EXOC4: variants seen among roughly 807,000 people sequenced by gnomAD.
The protein encoded by EXOC4 is SEC8-like 1.
In EXOC4, 71 loss-of-function variants were observed where a neutral mutation model predicts 107.2. The ratio of observed to expected loss-of-function variants is 0.66; its 90% CI spans 0.55 to 0.81. EXOC4 has a LOEUF of 0.81. EXOC4 is among the 30% of genes least tolerant of loss of function. The pLI, the probability that EXOC4 is intolerant of heterozygous loss-of-function variation, is 0.00. For missense variants in EXOC4, 1,108 were observed against 1,189.6 expected (o/e 0.93, Z 1.01); for synonymous variants, 456 against 441.2 (o/e 1.03, Z -0.42).
intron 14 of EXOC4, among the ~76,000 whole-genome samples, chr7:133,966,644 T>G (rs1424828835): frequency 1.3e-5 from 2 of 152,228 alleles, no homozygotes; most frequent in African/African-American, 4.8e-5. Context: ...TTTGCGTATG[T>G]TGAACCAGCC....
intron 11 of EXOC4, among the ~76,000 whole-genome samples, chr7:133,863,224 G>C (rs78277495): frequency 0.016 from 2,383 of 152,170 alleles, 64 homozygotes; most frequent in African/African-American, 0.054. Context: ...GCAGGGCTAT[G>C]GGGGAAGGGT....
At chr7:133,318,784 G>T (rs1795045980) in intron 5 of EXOC4, among the ~76,000 whole-genome samples, 1 of 152,124 alleles carries the variant, frequency 6.6e-6, no homozygotes, top group Admixed American at 6.5e-5. Flanking sequence ...TTTAACTACA[G>T]GAAAGTATAG....
intron 3 of EXOC4, among the ~76,000 whole-genome samples, chr7:133,303,086 C>G (rs73148915): frequency 6.6e-6 from 1 of 152,342 alleles, no homozygotes; most frequent in Non-Finnish European, 1.5e-5. Flanking sequence ...TGCTGCCTCA[C>G]TAACTTTTCC....
chr7:133,700,801 G>C (rs1794640837), intron 10 of EXOC4, among the ~76,000 whole-genome samples: 1 of 152,026 alleles, frequency 6.6e-6, no homozygotes. Context: ...CCTCTCTGTG[G>C]CCATTATTTT....
At chr7:133,357,657 G>C (rs973152319) in intron 6 of EXOC4, among the ~76,000 whole-genome samples, 1 of 152,088 alleles carries the variant, frequency 6.6e-6, no homozygotes, top group Non-Finnish European at 1.5e-5. Context: ...TTTTTTAAAA[G>C]AAGATAAAAT....
At chr7:133,812,170 T>G (rs978951047) in intron 10 of EXOC4, among the ~76,000 whole-genome samples, 3 of 152,168 alleles carry the variant, frequency 2.0e-5, no homozygotes, top group Non-Finnish European at 4.4e-5. Flanking sequence ...TCATACAATA[T>G]TTCACACTTT....
At chr7:133,589,600 A>G (rs889077613) in intron 9 of EXOC4, among the ~76,000 whole-genome samples, 1 of 152,232 alleles carries the variant, frequency 6.6e-6, no homozygotes, top group Admixed American at 6.5e-5. Context: ...CATGCAGAGT[A>G]GAAAGTTTGC....
chr7:133,390,791 T>C (rs2150715859), intron 7 of EXOC4, among the ~76,000 whole-genome samples: 1 of 152,348 alleles, frequency 6.6e-6, no homozygotes, highest in East Asian at 1.9e-4. Context: ...TTTAAGAAAA[T>C]GTGCTATTCA....
intron 10 of EXOC4, among the ~76,000 whole-genome samples, chr7:133,756,704 G>A (rs1454907379): frequency 6.6e-6 from 1 of 152,166 alleles, no homozygotes; most frequent in Non-Finnish European, 1.5e-5. Context: ...ATAGAATTCA[G>A]AAAGTATTCC....
Position 133,917,627 on chromosome 7 carries a change from G to A in EXOC4, c.1916G>A (p.Trp639Ter). 2 of 1,614,008 alleles carry A rather than the reference G, an allele frequency of 1.2e-6. No individual in the cohort carries two copies. Among genetic ancestry groups the A allele is most frequent in the South Asian group, 2.2e-5 (2 of 91,072 alleles). The change falls in exon 13 of 18, where the codon TGG becomes TAG. Residue 639 changes from tryptophan (W) to a stop codon, truncating the protein, a stop_gained. Transcript: ENST00000253861. LOFTEE classifies it high-confidence loss of function. The part of the protein sequence containing the change: ...SEEKLVISAS[W>*]AKDDDISRLL... Reference sequence around the variant, plus strand: ...GAAAAACTTGTCATCAGTGCATCCTGGGCAAAAGATGATGATATCAGCAGA... The same window carrying A: ...GAAAAACTTGTCATCAGTGCATCCTAGGCAAAAGATGATGATATCAGCAGA...
intron 8 of EXOC4, among the ~76,000 whole-genome samples, chr7:133,476,352 A>G (rs1217054551): frequency 6.6e-6 from 1 of 152,152 alleles, no homozygotes; most frequent in Non-Finnish European, 1.5e-5. Flanking sequence ...TAGAAGGAGG[A>G]TTTAAATCCT....
chr7:133,860,315 C>T (rs1006455694), intron 11 of EXOC4, among the ~76,000 whole-genome samples: 7 of 152,184 alleles, frequency 4.6e-5, no homozygotes, highest in South Asian at 4.1e-4. Flanking sequence ...TCCCTTTCTC[C>T]GCCTCGTTTT....
chr7:133,973,018 G>A (rs1801277681), intron 14 of EXOC4, among the ~76,000 whole-genome samples: 1 of 152,156 alleles, frequency 6.6e-6, no homozygotes, highest in Admixed American at 6.6e-5. Flanking sequence ...AATTAAATCA[G>A]TGGTGCACTA....
At chr7:133,504,540 C>G (rs1412465788) in intron 9 of EXOC4, among the ~76,000 whole-genome samples, 2 of 151,998 alleles carry the variant, frequency 1.3e-5, no homozygotes, top group African/African-American at 4.8e-5. Flanking sequence ...TCTACTGGCG[C>G]ATTTTTGCTT....
intron 10 of EXOC4, among the ~76,000 whole-genome samples, chr7:133,810,412 T>G (rs1174202113): frequency 6.6e-6 from 1 of 152,110 alleles, no homozygotes; most frequent in Non-Finnish European, 1.5e-5. Flanking sequence ...GGTGAAATGT[T>G]CATAGTGTGT....
In EXOC4 at chr7:133,434,733, G is replaced by A. The variant is rs553792746; in HGVS notation, c.1183-40595G>A. Among the ~76,000 whole-genome samples the A allele has an allele frequency of 8.5e-5, 13 of 152,242 alleles. No homozygotes were observed. In the South Asian group the frequency reaches 2.7e-3, roughly 32 times the overall value. On this transcript the variant is annotated intron_variant, in intron 7 of 17. Coordinates refer to ENST00000253861, the MANE Select transcript of EXOC4 (RefSeq NM_021807.4). ...ACCAATTTTTTAAAGCTTGTGTGCC[G>A]GACTGAAATGAGGTGCCTTTTATAC...
chr7:133,434,457 C>G (rs1043567801), intron 7 of EXOC4, among the ~76,000 whole-genome samples: 1 of 152,258 alleles, frequency 6.6e-6, no homozygotes, highest in African/African-American at 2.4e-5. Context: ...CTGAGCTCCC[C>G]CCTCTGGCAT....
At chr7:133,651,375 A>G (rs901646238) in intron 10 of EXOC4, among the ~76,000 whole-genome samples, 1 of 150,454 alleles carries the variant, frequency 6.6e-6, no homozygotes, top group Non-Finnish European at 1.5e-5. Context: ...AAAAAAACAC[A>G]ACACCTATAG....
At chr7:133,576,430 A>G (rs1215955776) in intron 9 of EXOC4, 9 of 1,169,274 alleles carry the variant, frequency 7.7e-6, no homozygotes, top group African/African-American at 1.6e-5. Flanking sequence ...ATTATGTAGT[A>G]TATTACTACA....
Sources: allele counts gnomAD v4.1 joint callset (sites outside exome capture counted in the v4.1 genomes callset), GRCh38; gene constraint gnomAD v4.1.1; transcripts MANE v1.5; gene names NCBI Gene and HGNC (gene_info 2026-07-23, HGNC 2026-07-21).